SMOC1: variants seen among roughly 807,000 people sequenced by gnomAD.
The protein encoded by SMOC1 is SPARC-related modular calcium-binding protein 1.
Under a neutral mutation model 56.3 loss-of-function variants are expected in SMOC1, and 22 were observed. That is an observed-to-expected ratio of 0.39 (90% CI 0.28 to 0.56). SMOC1 has a LOEUF of 0.56. Ranked by LOEUF, SMOC1 falls within the 20% of genes least tolerant of loss-of-function variation. The pLI, the probability that SMOC1 is intolerant of heterozygous loss-of-function variation, is 0.61. For synonymous variants in SMOC1, 193 were observed against 215.0 expected (o/e 0.90, Z 0.89); for missense variants, 509 against 565.4 (o/e 0.90, Z 1.01).
intron 1 of SMOC1, among the ~76,000 whole-genome samples, chr14:69,947,179 C>A (rs1473746173): frequency 2.1e-5 from 3 of 143,876 alleles, no homozygotes; most frequent in African/African-American, 5.2e-5. Flanking sequence ...CTTTTCTTTG[C>A]TCCTTTCTTT....
At chr14:69,942,962 G>A (rs944117942) in intron 1 of SMOC1, among the ~76,000 whole-genome samples, 1 of 152,168 alleles carries the variant, frequency 6.6e-6, no homozygotes, top group Admixed American at 6.5e-5. Flanking sequence ...TGGTGTAAGA[G>A]AGCCTTCTCC....
At chr14:69,901,365 A>G (rs1400400435) in intron 1 of SMOC1, among the ~76,000 whole-genome samples, 3 of 152,162 alleles carry the variant, frequency 2.0e-5, no homozygotes, top group Non-Finnish European at 2.9e-5. Flanking sequence ...TGTTGTGGAT[A>G]TCCTAATTTC....
intron 1 of SMOC1, among the ~76,000 whole-genome samples, chr14:69,914,759 T>C (rs190048984): frequency 7.2e-5 from 11 of 152,378 alleles, no homozygotes; most frequent in Admixed American, 7.2e-4. Context: ...AATTTGTTCT[T>C]ACTTATCCCA....
rs1885687712 is a variant in SMOC1, at chr14:70,020,744, AAGG to A, written c.1047-2456_1047-2454del. The stretch of plus-strand genomic sequence containing the variant: ...AGAGTCAAAATGTTGTTCTTCTGGC[AAGG>A]AGATGTCAGGAAGGGAAAATCAGAA... On this transcript the variant is annotated intron_variant, in intron 10 of 11. Coordinates refer to ENST00000361956, the MANE Select transcript of SMOC1 (RefSeq NM_001034852.3). Among the ~76,000 whole-genome samples the A allele has an allele frequency of 3.3e-5, 5 of 152,310 alleles. No individual in the cohort carries two copies. In the South Asian group the frequency reaches 1.0e-3, roughly 32 times the overall value.
intron 1 of SMOC1, among the ~76,000 whole-genome samples, chr14:69,908,034 G>T (rs1186700464): frequency 2.0e-5 from 3 of 152,166 alleles, no homozygotes; most frequent in African/African-American, 7.2e-5. Flanking sequence ...TACACTTTCA[G>T]ACCACAGCAA....
Position 69,952,439 on chromosome 14 carries a change from C to G in SMOC1, c.265+136C>G, listed in dbSNP as rs185848245. The G allele has an allele frequency of 2.5e-3, 2,561 of 1,020,056 alleles. 68 individuals carry two copies. The South Asian group carries it at 0.034, about 14-fold the overall frequency. The allele number at this position is 1,020,056 out of a possible 1,614,324, so 63.2% of individuals were successfully genotyped here. A position where few individuals can be genotyped will look rare whatever the true frequency, so the allele number is the denominator to read the frequency against. Reference sequence around the variant, plus strand: ...TTTCCTATCTCTCCACCCCTTCCACCAGGGCCAAGGGAAGAAAGCCTGGTC... The same window carrying G: ...TTTCCTATCTCTCCACCCCTTCCACGAGGGCCAAGGGAAGAAAGCCTGGTC... On this transcript the variant is annotated intron_variant, in intron 2 of 11. Coordinates refer to ENST00000361956, the MANE Select transcript of SMOC1 (RefSeq NM_001034852.3).
intron 1 of SMOC1, among the ~76,000 whole-genome samples, chr14:69,915,076 C>G (rs1594799386): frequency 6.6e-6 from 1 of 152,192 alleles, no homozygotes; most frequent in East Asian, 1.9e-4. Context: ...CCATGTTGGC[C>G]AGGCTGGTCT....
intron 6 of SMOC1, 42 bp downstream of exon 6, chr14:69,992,515 T>C (rs1884601492): frequency 1.4e-6 from 2 of 1,469,302 alleles, no homozygotes; most frequent in Middle Eastern, 1.7e-4. Flanking sequence ...CTCCCACTCA[T>C]TTTCAGGTTT....
intron 7 of SMOC1, among the ~76,000 whole-genome samples, chr14:70,008,908 C>A (rs1213706629): frequency 5.3e-5 from 8 of 152,298 alleles, no homozygotes; most frequent in Non-Finnish European, 8.8e-5. Context: ...GCCATGGCAC[C>A]TTCCCAGCCA....
intron 3 of SMOC1, 104 bp downstream of exon 3, chr14:69,953,636 A>T (rs1279764266): frequency 1.1e-6 from 1 of 905,060 alleles, no homozygotes; most frequent in Non-Finnish European, 1.8e-6. Flanking sequence ...TCTGGGAAAC[A>T]GTTGAGTGAG....
chr14:70,002,231 T>C (rs1884994527), intron 7 of SMOC1, among the ~76,000 whole-genome samples: 2 of 152,192 alleles, frequency 1.3e-5, no homozygotes, highest in Admixed American at 6.5e-5. Context: ...TGAGGGATGA[T>C]GTTAGATTTT....
chr14:70,032,056 C>T lies in SMOC1; in HGVS notation c.*1798C>T, dbSNP rs1336310452. 2.0e-5 allele frequency: 3 copies of T among 152,360 alleles called. No homozygotes were observed. The highest frequency in any genetic ancestry group is 2.9e-5 in the Non-Finnish European group (2 of 68,136). The allele number at this position is 152,360 out of a possible 1,614,324, so 9.4% of individuals were successfully genotyped here. A position where few individuals can be genotyped will look rare whatever the true frequency, so the allele number is the denominator to read the frequency against. On this transcript the variant is annotated 3_prime_UTR_variant, in exon 12 of 12. Transcript: ENST00000361956. Reference sequence around the variant, plus strand: ...GTCCTAGAGGTTATCTCAGGAATGACTGGTGGCCCTGCCCCAACGTGGAAA... The same window carrying T: ...GTCCTAGAGGTTATCTCAGGAATGATTGGTGGCCCTGCCCCAACGTGGAAA...
chr14:69,982,959 G>A (rs567435799), intron 5 of SMOC1, among the ~76,000 whole-genome samples: 15 of 152,296 alleles, frequency 9.8e-5, no homozygotes, highest in Middle Eastern at 3.4e-3. Flanking sequence ...CTGGTTCTCC[G>A]AGCCGCCTCC....
At chr14:69,881,174 A>G (rs996689447) in intron 1 of SMOC1, among the ~76,000 whole-genome samples, 2 of 152,170 alleles carry the variant, frequency 1.3e-5, no homozygotes, top group African/African-American at 4.8e-5. Flanking sequence ...ACTTTTATGG[A>G]TGCAGATGAG....
intron 3 of SMOC1, among the ~76,000 whole-genome samples, chr14:69,956,312 C>T (rs1883183242): frequency 1.3e-5 from 2 of 152,168 alleles, no homozygotes; most frequent in South Asian, 2.1e-4. Flanking sequence ...GTGCTTTTCC[C>T]GCTGATCAAA....
intron 1 of SMOC1, chr14:69,885,765 C>T (rs1293079110): frequency 6.5e-7 from 1 of 1,526,780 alleles, no homozygotes; most frequent in African/African-American, 1.4e-5. Flanking sequence ...GGGACGTCCC[C>T]TTTGCCAGCA....
intron 3 of SMOC1, among the ~76,000 whole-genome samples, chr14:69,955,746 T>A (rs1883162328): frequency 6.6e-6 from 1 of 152,316 alleles, no homozygotes; most frequent in Admixed American, 6.5e-5. Context: ...ATGGATGAAC[T>A]CTTCCATCAA....
intron 1 of SMOC1, among the ~76,000 whole-genome samples, chr14:69,931,478 T>TGGA (rs1289978146): frequency 1.3e-5 from 2 of 152,236 alleles, no homozygotes; most frequent in Admixed American, 1.3e-4. Flanking sequence ...CATTGGCTTT[T>TGGA]GGAGGAAGGA....
chr14:69,954,751 A>C (rs1883128507), intron 3 of SMOC1, among the ~76,000 whole-genome samples: 1 of 152,300 alleles, frequency 6.6e-6, no homozygotes, highest in East Asian at 1.9e-4. Flanking sequence ...ATTTGGGGGA[A>C]TCCTGTTGTC....
Sources: allele counts gnomAD v4.1 joint callset (sites outside exome capture counted in the v4.1 genomes callset), GRCh38; gene constraint gnomAD v4.1.1; transcripts MANE v1.5; gene names NCBI Gene and HGNC (gene_info 2026-07-23, HGNC 2026-07-21).